Variants in MCTP2 observed in about 807,000 individuals in gnomAD.
MCTP2 encodes multiple C2 and transmembrane domain containing 2.
Under a neutral mutation model 111.6 loss-of-function variants are expected in MCTP2, and 132 were observed. That is an observed-to-expected ratio of 1.18 (90% CI 1.03 to 1.37). The LOEUF (loss-of-function observed/expected upper bound fraction) is 1.37, where lower values mean the gene tolerates loss of function less well. Among genes scored for constraint, MCTP2 ranks in the 40% most tolerant of loss-of-function variants. The pLI is 0.00. For synonymous variants in MCTP2, 395 were observed against 387.7 expected, an observed-to-expected ratio of 1.02 and a Z score of -0.22; for missense variants, 1,183 against 1,067.9, an observed-to-expected ratio of 1.11 and a Z score of -1.50.
rs1367387305 is a variant in MCTP2 at position 94,483,239 on chromosome 15, T to A, written c.*4205T>A. 1 of 152,242 alleles carries A rather than the reference T, an allele frequency of 6.6e-6. No homozygotes were observed. The highest frequency in any genetic ancestry group is 1.5e-5 in the Non-Finnish European group (1 of 68,042). 9.4% of individuals were successfully genotyped at this position (152,242 alleles called of 1,614,324 possible). ...ATTATTGAAAACTATGTTCTGCACTTATACATTGTTGGTTGGAGTGTAAAT... is the reference window on the plus strand; with the variant it reads ...ATTATTGAAAACTATGTTCTGCACTAATACATTGTTGGTTGGAGTGTAAAT... On this transcript the variant is annotated 3_prime_UTR_variant, in exon 23 of 23. Coordinates refer to ENST00000357742, the MANE Select transcript of MCTP2 (RefSeq NM_001385001.1).
At chr15:94,285,984 C>G (rs747177716) in intron 1 of MCTP2, among the ~76,000 whole-genome samples, 1 of 152,086 alleles carries the variant, frequency 6.6e-6, no homozygotes, top group Admixed American at 6.5e-5. Context: ...AATAGTATGT[C>G]TAGTATATGA....
chr15:94,443,993 A>AAAC (rs1555476102), intron 19 of MCTP2, among the ~76,000 whole-genome samples: 1 of 149,388 alleles, frequency 6.7e-6, no homozygotes, highest in Non-Finnish European at 1.5e-5. Context: ...AAAAAAAAAA[A>AAAC]AAAAAAAAAA....
At chr15:94,347,254 A>G (rs2078034386) in intron 8 of MCTP2, among the ~76,000 whole-genome samples, 1 of 152,112 alleles carries the variant, frequency 6.6e-6, no homozygotes, top group Non-Finnish European at 1.5e-5. Flanking sequence ...TGGTCGGCCT[A>G]TTTTTTGGTA....
At chr15:94,458,576 A>G (rs2084985790) in intron 20 of MCTP2, among the ~76,000 whole-genome samples, 2 of 152,226 alleles carry the variant, frequency 1.3e-5, no homozygotes, top group South Asian at 4.1e-4. Flanking sequence ...TAAAAAGAGA[A>G]GCAAATGTGC....
intron 17 of MCTP2, among the ~76,000 whole-genome samples, chr15:94,432,465 T>G (rs747768686): frequency 2.0e-5 from 3 of 152,178 alleles, no homozygotes; most frequent in Non-Finnish European, 4.4e-5. Flanking sequence ...TGACCAATGT[T>G]GGGTCAAAGT....
intron 12 of MCTP2, among the ~76,000 whole-genome samples, chr15:94,377,595 G>A (rs1449365322): frequency 2.0e-5 from 3 of 152,110 alleles, no homozygotes; most frequent in Non-Finnish European, 4.4e-5. Context: ...TCTTAGTAAC[G>A]TTTAAATTTA....
chr15:94,437,776 A>G lies in MCTP2; in HGVS notation c.2086-2400A>G, dbSNP rs1028822417. Among the ~76,000 whole-genome samples, 5 of 152,076 alleles carry G rather than the reference A, an allele frequency of 3.3e-5. No homozygotes were observed. In the East Asian group the frequency reaches 5.8e-4, roughly 18 times the overall value. ...TGGTCTTGGTAAAATATAGGAAAAT[A>G]TATCAATGGAGAACTGAGAGGGCTC... On this transcript the variant is annotated intron_variant, in intron 17 of 22. Coordinates refer to ENST00000357742, the MANE Select transcript of MCTP2 (RefSeq NM_001385001.1).
intron 10 of MCTP2, among the ~76,000 whole-genome samples, chr15:94,361,716 G>A (rs1404837771): frequency 6.6e-6 from 1 of 152,180 alleles, no homozygotes; most frequent in African/African-American, 2.4e-5. Flanking sequence ...AAACAGCATA[G>A]AATTTTTTGA....
chr15:94,290,866 T>C (rs903775417), intron 1 of MCTP2, among the ~76,000 whole-genome samples: 1 of 152,200 alleles, frequency 6.6e-6, no homozygotes, highest in Non-Finnish European at 1.5e-5. Flanking sequence ...ATAACAATCA[T>C]AAATGTGTGT....
chr15:94,242,491 C>A (rs2152226008), intron 1 of MCTP2, among the ~76,000 whole-genome samples: 1 of 152,134 alleles, frequency 6.6e-6, no homozygotes, highest in East Asian at 1.9e-4. Flanking sequence ...GGCATCTGTG[C>A]ACTGCTGAGG....
chr15:94,359,718 A>G (rs1201684476), intron 10 of MCTP2, among the ~76,000 whole-genome samples: 1 of 152,174 alleles, frequency 6.6e-6, no homozygotes, highest in African/African-American at 2.4e-5. Flanking sequence ...CAGAGGCCCA[A>G]GGAAGTGAAA....
chr15:94,387,992 T>C (rs1189314722), intron 14 of MCTP2, among the ~76,000 whole-genome samples: 2 of 152,110 alleles, frequency 1.3e-5, no homozygotes, highest in South Asian at 4.2e-4. Context: ...CCAGTATAGA[T>C]TGATCAAGTG....
chr15:94,349,648 G>A (rs1044332287), intron 8 of MCTP2, among the ~76,000 whole-genome samples: 6 of 151,716 alleles, frequency 4.0e-5, no homozygotes, highest in East Asian at 3.9e-4. Context: ...GTGAAACCCC[G>A]TCTCTACTAA....
chr15:94,271,808 A>G (rs2152298843), intron 1 of MCTP2, among the ~76,000 whole-genome samples: 1 of 152,310 alleles, frequency 6.6e-6, no homozygotes, highest in African/African-American at 2.4e-5. Flanking sequence ...TCTTTTTCAC[A>G]CCAGAAATGG....
At chr15:94,373,494 A>G (rs1476770734) in intron 12 of MCTP2, among the ~76,000 whole-genome samples, 3 of 152,204 alleles carry the variant, frequency 2.0e-5, no homozygotes. Context: ...ATAAAAAGGT[A>G]TATTTACTGT....
At chr15:94,288,535 T>C (rs1036988618) in intron 1 of MCTP2, among the ~76,000 whole-genome samples, 3 of 152,234 alleles carry the variant, frequency 2.0e-5, no homozygotes, top group Admixed American at 6.5e-5. Flanking sequence ...CTGCAATTTA[T>C]GGCTAGAAGC....
At chr15:94,245,300 A>G (rs1049911128) in intron 1 of MCTP2, among the ~76,000 whole-genome samples, 5 of 141,752 alleles carry the variant, frequency 3.5e-5, no homozygotes, top group Admixed American at 7.1e-5. Flanking sequence ...GTATATATTT[A>G]TATACATATA....
At chr15:94,374,733 C>A (rs2079665226) in intron 12 of MCTP2, among the ~76,000 whole-genome samples, 1 of 152,166 alleles carries the variant, frequency 6.6e-6, no homozygotes, top group South Asian at 2.1e-4. Context: ...ATGGCCCTTA[C>A]CCTGTTCCTC....
chr15:94,278,202 T>C (rs1417678780), intron 1 of MCTP2: 2 of 151,940 alleles, frequency 1.3e-5, no homozygotes, highest in East Asian at 3.9e-4. Context: ...GCAAAGAAAA[T>C]AGGAACCAAT....
Sources: allele counts gnomAD v4.1 joint callset (sites outside exome capture counted in the v4.1 genomes callset), GRCh38; gene constraint gnomAD v4.1.1; transcripts MANE v1.5; gene names NCBI Gene and HGNC (gene_info 2026-07-23, HGNC 2026-07-21).